Variants in NPIPB15 observed in about 807,000 individuals in gnomAD.
The protein encoded by NPIPB15 is nuclear pore complex-interacting protein family member B15.
NPIPB15 carries 5 observed loss-of-function variants against 35.9 expected under a neutral mutation model. The ratio of observed to expected loss-of-function variants is 0.14; its 90% CI spans 0.07 to 0.29. The LOEUF (loss-of-function observed/expected upper bound fraction) is 0.29, where lower values mean the gene tolerates loss of function less well. Among genes scored for constraint, NPIPB15 ranks in the 10% least tolerant of loss-of-function variants. The pLI is 1.00. For missense variants in NPIPB15, 100 were observed against 506.1 expected, an observed-to-expected ratio of 0.20 and a Z score of 7.70; for synonymous variants, 43 against 182.0, an observed-to-expected ratio of 0.24 and a Z score of 6.15.
chr16:74,388,912 G>A (rs1440859194), intron 5 of NPIPB15: 3 of 928,168 alleles, frequency 3.2e-6, no homozygotes, highest in Non-Finnish European at 3.8e-6. Context: ...TGCAGAAATA[G>A]AAACAAATGG....
chr16:74,387,395 C>T (rs373332615), intron 5 of NPIPB15, among the ~76,000 whole-genome samples: 57 of 149,114 alleles, frequency 3.8e-4, no homozygotes, highest in South Asian at 1.5e-3. Flanking sequence ...CCTGGGTTTC[C>T]TTCTTCTCCA....
intron 3 of NPIPB15, among the ~76,000 whole-genome samples, chr16:74,385,117 C>T (rs376707903): frequency 1.2e-4 from 18 of 146,658 alleles, no homozygotes; most frequent in South Asian, 9.0e-4. Flanking sequence ...CAGCTTCAAA[C>T]GGTTCTCTGC....
At position 74,377,244 on chromosome 16, in the gene NPIPB15, T is replaced by A. The variant is rs1046771659; in HGVS notation, c.-125T>A. Among the ~76,000 whole-genome samples the A allele has an allele frequency of 4.0e-5, 6 of 149,524 alleles. No individual in the cohort carries two copies. The highest frequency in any genetic ancestry group is 2.1e-4 in the South Asian group (1 of 4,756). Reference sequence around the variant, plus strand: ...CCATCCTGCCATCATTTGTTTTTTATGTTTTGTCGCCAAAAGTGACCTTGA... The same window carrying A: ...CCATCCTGCCATCATTTGTTTTTTAAGTTTTGTCGCCAAAAGTGACCTTGA... On this transcript the variant is annotated 5_prime_UTR_variant, in exon 1 of 8. The change abolishes an upstream ATG in the 5' untranslated region. Coordinates refer to ENST00000692376, the MANE Select transcript of NPIPB15 (RefSeq NM_001306094.2).
intron 2 of NPIPB15, among the ~76,000 whole-genome samples, chr16:74,379,027 C>T (rs1246488569): frequency 2.6e-4 from 39 of 152,276 alleles, no homozygotes; most frequent in African/African-American, 7.7e-4. Context: ...TTTGAACTCC[C>T]GACCTCAGGT....
chr16:74,381,148 C>CAAAAAAAAAAAA (rs1166274271), intron 2 of NPIPB15, among the ~76,000 whole-genome samples: 1 of 74,250 alleles, frequency 1.3e-5, no homozygotes, highest in Non-Finnish European at 2.6e-5. Flanking sequence ...ACTCTGTCTC[C>CAAAAAAAAAAAA]AAAAAAAAAA....
chr16:74,377,402 TG>T (rs1567409969), intron 1 of NPIPB15, among the ~76,000 whole-genome samples, 56 bp downstream of exon 1: 2 of 151,800 alleles, frequency 1.3e-5, no homozygotes, highest in South Asian at 4.2e-4. Flanking sequence ...GAGACTGAGA[TG>T]GGGGAGGGGT....
In NPIPB15 at chr16:74,388,355, G is replaced by C; in HGVS notation, c.546-1470G>C. On this transcript the variant is annotated intron_variant, in intron 5 of 7. Coordinates refer to ENST00000692376, the MANE Select transcript of NPIPB15 (RefSeq NM_001306094.2). ...TTGGTGAGGTCTGGTTTTTCACACTGAACTAAAATGATCTTTCGCTGTGTC... is the reference window on the plus strand; with the variant it reads ...TTGGTGAGGTCTGGTTTTTCACACTCAACTAAAATGATCTTTCGCTGTGTC... The C allele has an allele frequency of 3.3e-6, 3 of 907,326 alleles. 1 individual carries two copies. Among genetic ancestry groups the C allele is most frequent in the Non-Finnish European group, 3.9e-6 (3 of 767,586 alleles). 56.2% of individuals were successfully genotyped at this position (907,326 alleles called of 1,614,324 possible).
intron 3 of NPIPB15, among the ~76,000 whole-genome samples, chr16:74,382,767 A>G (rs889625767): frequency 6.6e-6 from 1 of 152,246 alleles, no homozygotes; most frequent in African/African-American, 2.4e-5. Context: ...CACCTAGATA[A>G]TTACAAGTCA....
intron 2 of NPIPB15, among the ~76,000 whole-genome samples, chr16:74,378,629 G>C (rs1269720622): frequency 6.7e-6 from 1 of 149,570 alleles, no homozygotes; most frequent in South Asian, 2.1e-4. Flanking sequence ...CGCCAGGATA[G>C]TCTCCATCTC....
chr16:74,378,855 C>T (rs1489763519), intron 2 of NPIPB15, among the ~76,000 whole-genome samples: 4 of 151,840 alleles, frequency 2.6e-5, no homozygotes, highest in African/African-American at 9.7e-5. Context: ...GGCTGGAGTG[C>T]AATGGGGCAA....
intron 7 of NPIPB15, 120 bp from the exon 8 acceptor site, chr16:74,391,271 G>C: frequency 6.5e-7 from 1 of 1,544,528 alleles, no homozygotes; most frequent in South Asian, 1.2e-5. Context: ...TTTGAAACCT[G>C]GAGGATGGAA....
At chr16:74,386,368 A>G (rs1283165534) in intron 5 of NPIPB15, among the ~76,000 whole-genome samples, 1 of 130,096 alleles carries the variant, frequency 7.7e-6, no homozygotes, top group Non-Finnish European at 1.6e-5. Context: ...ATCTTGGCTC[A>G]CTGCAACCTC....
chr16:74,387,564 CCA>C (rs1474633695), intron 5 of NPIPB15, among the ~76,000 whole-genome samples: 2 of 147,986 alleles, frequency 1.4e-5, no homozygotes, highest in African/African-American at 5.0e-5. Context: ...TAGCTTCCCT[CCA>C]GAGTCAGGTT....
chr16:74,389,359 T>C (rs2012430401), intron 5 of NPIPB15, among the ~76,000 whole-genome samples: 1 of 149,980 alleles, frequency 6.7e-6, no homozygotes, highest in Non-Finnish European at 1.5e-5. Context: ...GATCAGACCG[T>C]ACAGTTTTTT....
chr16:74,378,588 A>G (rs369085464), intron 2 of NPIPB15, among the ~76,000 whole-genome samples: 1 of 149,224 alleles, frequency 6.7e-6, no homozygotes, highest in African/African-American at 2.5e-5. Flanking sequence ...TAATTTTTGT[A>G]TTTTTAGTAG....
intron 3 of NPIPB15, among the ~76,000 whole-genome samples, chr16:74,384,535 A>ATT: frequency 8.2e-6 from 1 of 121,910 alleles, no homozygotes; most frequent in Non-Finnish European, 1.7e-5. Flanking sequence ...TGCTCAGCTA[A>ATT]TTTTTGTATT....
chr16:74,378,991 G>T (rs1399482194), intron 2 of NPIPB15, among the ~76,000 whole-genome samples: 1 of 152,076 alleles, frequency 6.6e-6, no homozygotes. Flanking sequence ...GTAGAGATAG[G>T]GTTTCTCCAT....
chr16:74,384,668 A>ATTTTTTTTTTTTTTT (rs1186582416), intron 3 of NPIPB15, among the ~76,000 whole-genome samples: 1 of 61,552 alleles, frequency 1.6e-5, no homozygotes, highest in Non-Finnish European at 3.0e-5. Context: ...CACCTGGCCT[A>ATTTTTTTTTTTTTTT]TTTTTTTTTT....
At chr16:74,387,418 GTC>G (rs1224932256) in intron 5 of NPIPB15, among the ~76,000 whole-genome samples, 1 of 149,620 alleles carries the variant, frequency 6.7e-6, no homozygotes, top group African/African-American at 2.5e-5. Context: ...TTCACCTCAT[GTC>G]TGTTTACTGC....
Sources: allele counts gnomAD v4.1 joint callset (sites outside exome capture counted in the v4.1 genomes callset), GRCh38; gene constraint gnomAD v4.1.1; transcripts MANE v1.5; gene names NCBI Gene and HGNC (gene_info 2026-07-23, HGNC 2026-07-21).